WBP2NL: variants seen among roughly 807,000 people sequenced by gnomAD.
WBP2NL encodes WBP2 N-terminal like.
In WBP2NL, 27 loss-of-function variants were observed where a neutral mutation model predicts 23.3. The observed-to-expected ratio is 1.16, with a 90% CI of 0.85 to 1.60. The LOEUF is 1.60. WBP2NL is among the 40% of genes most tolerant of loss of function. The probability of loss-of-function intolerance (pLI) is 0.00; values close to 1 mark genes in which losing one functional copy is unlikely to be tolerated. For synonymous variants in WBP2NL, 151 were observed against 145.9 expected (o/e 1.03, Z -0.25); for missense variants, 370 against 389.5 (o/e 0.95, Z 0.42).
At chr22:42,000,501 A>G (rs188918029) in intron 1 of WBP2NL, among the ~76,000 whole-genome samples, 55 of 152,354 alleles carry the variant, frequency 3.6e-4, no homozygotes, top group African/African-American at 1.3e-3. Context: ...AATAAAAAAC[A>G]TAATTGAGTC....
At chr22:42,050,341 CAAA>C (rs1925791947) in intron 8 of WBP2NL, among the ~76,000 whole-genome samples, 3 of 150,894 alleles carry the variant, frequency 2.0e-5, no homozygotes, top group Admixed American at 2.0e-4. Context: ...ATTAAAAAAA[CAAA>C]AAACAAAAAA....
downstream of WBP2NL, among the ~76,000 whole-genome samples, chr22:42,028,973 C>G (rs1301066539): frequency 6.6e-6 from 1 of 152,222 alleles, no homozygotes; most frequent in African/African-American, 2.4e-5. Flanking sequence ...CACTTATTTC[C>G]TAATTGCTCC....
In WBP2NL at chr22:42,027,321, T is replaced by C. The variant is rs1924607522; in HGVS notation, c.*140T>C. The C allele has an allele frequency of 1.9e-6, 2 of 1,075,496 alleles. No individual in the cohort carries two copies. The highest frequency in any genetic ancestry group is 2.6e-6 in the Non-Finnish European group (2 of 782,628). 66.6% of individuals were successfully genotyped at this position (1,075,496 alleles called of 1,614,324 possible). On this transcript the variant is annotated 3_prime_UTR_variant, in exon 6 of 6. Coordinates refer to ENST00000328823, the MANE Select transcript of WBP2NL (RefSeq NM_152613.3). ...TCCACCCTTTGGAAGGGCAATCTTA[T>C]GGGGGAAGGTGAAACTTTACTTCTG...
intron 1 of WBP2NL, among the ~76,000 whole-genome samples, chr22:42,013,846 T>C (rs1923065274): frequency 6.6e-6 from 1 of 151,964 alleles, no homozygotes; most frequent in Non-Finnish European, 1.5e-5. Context: ...ATTGGTGCGA[T>C]CTCAGTTCAC....
intron 8 of WBP2NL, among the ~76,000 whole-genome samples, chr22:42,045,236 A>C (rs1925542291): frequency 1.3e-5 from 2 of 152,114 alleles, no homozygotes; most frequent in Non-Finnish European, 1.5e-5. Context: ...CAGGAGATCG[A>C]GACCATCCTG....
At chr22:42,056,928 G>A (rs1016037146) in intron 8 of WBP2NL, among the ~76,000 whole-genome samples, 2 of 152,112 alleles carry the variant, frequency 1.3e-5, no homozygotes, top group African/African-American at 2.4e-5. Context: ...GAAGTCAGTT[G>A]TAAATCTTAT....
At position 42,054,298 on chromosome 22, in the gene WBP2NL, A is replaced by G. The variant is rs189819749; in HGVS notation, c.*274-3992A>G. ...CAGGTTCAAGCAATTCTCCTGCTTT[A>G]GCCTCCTGAGCAGCTGGGATTACAG... On this transcript the variant is annotated intron_variant and NMD_transcript_variant, in intron 8 of 8. Transcript: ENST00000436265. Among the ~76,000 whole-genome samples, 35 of 152,090 alleles carry G rather than the reference A, an allele frequency of 2.3e-4. No individual in the cohort carries two copies. In the East Asian group the frequency reaches 6.6e-3, roughly 29 times the overall value.
Position 42,020,868 on chromosome 22 carries a change from G to GTATATGTATA in WBP2NL, c.406+777_406+778insGTATATATAT, listed in dbSNP as rs1483881577. ...ATCTCATATATGTGTGTGTGTGTGT[G>GTATATGTATA]TATATATATATATATATATATATAT... On this transcript the variant is annotated intron_variant, in intron 4 of 5. Coordinates refer to ENST00000328823, the MANE Select transcript of WBP2NL (RefSeq NM_152613.3). Among the ~76,000 whole-genome samples, 83 of 15,232 alleles carry GTATATGTATA rather than the reference G, an allele frequency of 5.4e-3. 1 individual carries two copies. The highest frequency in any genetic ancestry group is 6.2e-3 in the Non-Finnish European group (61 of 9,912). 10.0% of individuals were successfully genotyped at this position (15,232 alleles called of 152,430 possible).
At chr22:42,006,762 C>A (rs1443108782) in intron 1 of WBP2NL, among the ~76,000 whole-genome samples, 1 of 152,130 alleles carries the variant, frequency 6.6e-6, no homozygotes, top group Admixed American at 6.5e-5. Flanking sequence ...GTTCGGAGTT[C>A]CCATTATATT....
chr22:42,012,730 C>T (rs1363231229), intron 1 of WBP2NL, among the ~76,000 whole-genome samples: 3 of 152,028 alleles, frequency 2.0e-5, no homozygotes, highest in East Asian at 1.9e-4. Context: ...CGGTGGCTCT[C>T]GCCTGTAATC....
intron 1 of WBP2NL, among the ~76,000 whole-genome samples, chr22:42,007,209 G>T (rs1382260535): frequency 6.6e-6 from 1 of 151,902 alleles, no homozygotes; most frequent in Non-Finnish European, 1.5e-5. Flanking sequence ...GAATAGTCTG[G>T]GTTTTTGTTT....
At chr22:42,034,820 GAA>G (rs1259090273), downstream of WBP2NL, among the ~76,000 whole-genome samples, 1 of 152,220 alleles carries the variant, frequency 6.6e-6, no homozygotes, top group Non-Finnish European at 1.5e-5. Flanking sequence ...GCTTTTGAAA[GAA>G]GAGAAATATG....
Position 42,046,047 on chromosome 22 carries a change from T to A in WBP2NL, c.*274-12243T>A, listed in dbSNP as rs1004424122. The stretch of plus-strand genomic sequence containing the variant: ...CCAATGTGTAATATTTAAACTGTTT[T>A]GTAAAATAAGTGTCTGGCCATTTGG... On this transcript the variant is annotated intron_variant and NMD_transcript_variant, in intron 8 of 8. Coordinates refer to the WBP2NL transcript ENST00000436265. Among the ~76,000 whole-genome samples, 4 of 152,250 alleles carry A rather than the reference T, an allele frequency of 2.6e-5. No homozygotes were observed. In the South Asian group the frequency reaches 8.3e-4, roughly 31 times the overall value.
intron 8 of WBP2NL, among the ~76,000 whole-genome samples, chr22:42,047,604 C>CA (rs369361777): frequency 2.3e-3 from 330 of 142,620 alleles, no homozygotes; most frequent in African/African-American, 8.2e-3. Context: ...CCCCGCCTCC[C>CA]AAAAAAAACC....
At position 42,027,913 on chromosome 22, in the gene WBP2NL, G is replaced by T. The variant is rs1357101039; in HGVS notation, c.*732G>T. On this transcript the variant is annotated 3_prime_UTR_variant, in exon 6 of 6. Transcript: ENST00000328823. ...GCCGAATAACCAAGGCAATAGCATG[G>T]CCAGAAAACGTTTGAAAAGATGTTC... is the stretch of plus-strand genomic sequence containing the variant. 1 of 398,390 alleles carries T rather than the reference G, an allele frequency of 2.5e-6. No homozygotes were observed. The highest frequency in any genetic ancestry group is 4.4e-6 in the Non-Finnish European group (1 of 225,978). 24.7% of individuals were successfully genotyped at this position (398,390 alleles called of 1,614,324 possible).
chr22:42,027,045 GA>G lies in WBP2NL; in HGVS notation c.797del (p.Asn266MetfsTer52). On this transcript the variant is annotated frameshift_variant, in exon 6 of 6. Coordinates refer to ENST00000328823, the MANE Select transcript of WBP2NL (RefSeq NM_152613.3). LOFTEE classifies it low-confidence loss of function (END_TRUNC). Reference sequence around the variant, plus strand: ...CTCGGATATGGAGCCCCACCTGCAGGAAATGAAGGCCCGCCTGCGGGATACA... The same window carrying G: ...CTCGGATATGGAGCCCCACCTGCAGGAATGAAGGCCCGCCTGCGGGATACA... Reference protein sequence around the residue: ...PPLGYGAPPAGNEGPPAGYRA... With the variant: ...PPLGYGAPPAXNEGPPAGYRA... The G allele has an allele frequency of 4.3e-6, 7 of 1,614,128 alleles. No homozygotes were observed. Among genetic ancestry groups the G allele is most frequent in the Non-Finnish European group, 5.9e-6 (7 of 1,179,974 alleles).
At chr22:42,033,316 T>C (rs1185246986), downstream of WBP2NL, among the ~76,000 whole-genome samples, 3 of 152,174 alleles carry the variant, frequency 2.0e-5, no homozygotes, top group South Asian at 4.2e-4. Context: ...CCAGGAACCA[T>C]AGGGCCCCAA....
At chr22:42,007,983 TTTTCCA>T (rs942918446) in intron 1 of WBP2NL, among the ~76,000 whole-genome samples, 1 of 152,058 alleles carries the variant, frequency 6.6e-6, no homozygotes, top group African/African-American at 2.4e-5. Flanking sequence ...CTCCGGACTG[TTTTCCA>T]TAGCAGCTAC....
intron 1 of WBP2NL, among the ~76,000 whole-genome samples, chr22:42,008,989 C>G (rs1453324249): frequency 6.6e-6 from 1 of 152,148 alleles, no homozygotes; most frequent in Middle Eastern, 3.2e-3. Flanking sequence ...CCGTGTTAGC[C>G]AGGATGGTCT....
Sources: allele counts gnomAD v4.1 joint callset (sites outside exome capture counted in the v4.1 genomes callset), GRCh38; gene constraint gnomAD v4.1.1; transcripts MANE v1.5; gene names NCBI Gene and HGNC (gene_info 2026-07-23, HGNC 2026-07-21).